Variants in GRIN2B observed in about 807,000 individuals in gnomAD.
The protein encoded by GRIN2B is glutamate ionotropic receptor NMDA type subunit 2B, also known as glutamate receptor ionotropic, NMDA 2B.
GRIN2B carries 5 observed loss-of-function variants against 114.5 expected under a neutral mutation model. That is an observed-to-expected ratio of 0.04 (90% CI 0.02 to 0.09). GRIN2B has a LOEUF of 0.09. GRIN2B is among the 10% of genes least tolerant of loss of function. The pLI, the probability that GRIN2B is intolerant of heterozygous loss-of-function variation, is 1.00. For missense variants in GRIN2B, 1,108 were observed against 1,943.5 expected (o/e 0.57, Z 8.08); for synonymous variants, 787 against 745.1 (o/e 1.06, Z -0.92).
intron 5 of GRIN2B, among the ~76,000 whole-genome samples, chr12:13,618,527 G>C (rs184027128): frequency 1.0e-3 from 158 of 152,152 alleles, no homozygotes; most frequent in Admixed American, 2.4e-3. Context: ...ATTATTGCAG[G>C]AAATTTCAAA....
rs1468430433 is a variant in GRIN2B, at chr12:13,557,875, AT to A, written c.*4907del. ...ATGTATACATCCCTAATATGGCTTA[AT>A]ATGTCACCTTTCCTGGGATTACTTT... On this transcript the variant is annotated 3_prime_UTR_variant, in exon 14 of 14. Coordinates refer to ENST00000609686, the MANE Select transcript of GRIN2B (RefSeq NM_000834.5). 1.3e-5 allele frequency: 2 copies of A among 152,218 alleles called. No homozygotes were observed. Among genetic ancestry groups the A allele is most frequent in the Non-Finnish European group, 2.9e-5 (2 of 68,044 alleles). 9.4% of individuals were successfully genotyped at this position (152,218 alleles called of 1,614,324 possible). A position where few individuals can be genotyped will look rare whatever the true frequency, so the allele number is the denominator to read the frequency against.
At chr12:13,649,029 T>C (rs947617697) in intron 5 of GRIN2B, among the ~76,000 whole-genome samples, 6 of 151,982 alleles carry the variant, frequency 3.9e-5, no homozygotes, top group Non-Finnish European at 8.8e-5. Flanking sequence ...CACACACTGG[T>C]TTGAATCTGG....
At chr12:13,698,175 C>T (rs1320635672) in intron 4 of GRIN2B, among the ~76,000 whole-genome samples, 1 of 152,238 alleles carries the variant, frequency 6.6e-6, no homozygotes, top group Non-Finnish European at 1.5e-5. Context: ...GAGGGATGCG[C>T]GTGCATGCTG....
chr12:13,769,117 G>T (rs1445888988), intron 3 of GRIN2B, among the ~76,000 whole-genome samples: 4 of 152,122 alleles, frequency 2.6e-5, no homozygotes, highest in African/African-American at 9.7e-5. Flanking sequence ...TATCATTCTT[G>T]GAATTTATTC....
intron 2 of GRIN2B, among the ~76,000 whole-genome samples, chr12:13,935,656 G>A (rs1448311169): frequency 6.6e-6 from 1 of 152,030 alleles, no homozygotes; most frequent in Non-Finnish European, 1.5e-5. Context: ...CATTATTGTG[G>A]GAATTAAACT....
intron 5 of GRIN2B, among the ~76,000 whole-genome samples, chr12:13,651,590 A>G (rs913668840): frequency 1.3e-5 from 2 of 152,096 alleles, no homozygotes; most frequent in East Asian, 3.9e-4. Flanking sequence ...AATAGTGGCA[A>G]GTATAATGTC....
At chr12:13,842,550 C>A (rs185966942) in intron 3 of GRIN2B, among the ~76,000 whole-genome samples, 141 of 152,324 alleles carry the variant, frequency 9.3e-4, no homozygotes, top group Non-Finnish European at 1.8e-3. Flanking sequence ...TCATCTATTT[C>A]TCCAGCTTCA....
chr12:13,644,092 T>C lies in GRIN2B; in HGVS notation c.1126-27435A>G, dbSNP rs112176104. Among the ~76,000 whole-genome samples the C allele has an allele frequency of 6.0e-3, 910 of 152,272 alleles. 8 individuals carry two copies. Among genetic ancestry groups the C allele is most frequent in the African/African-American group, 0.021 (867 of 41,568 alleles). ...AAAAGGGCAAATTCTTTCCAGAAGG[T>C]TTCAATTTACTTTGCCTACATCCAT... On this transcript the variant is annotated intron_variant, in intron 5 of 13. Transcript: ENST00000609686.
At chr12:13,941,159 T>A (rs192777710) in intron 2 of GRIN2B, among the ~76,000 whole-genome samples, 58 of 152,242 alleles carry the variant, frequency 3.8e-4, no homozygotes, top group African/African-American at 1.2e-3. Context: ...TGGATAGAGC[T>A]GGGCCAGTTA....
chr12:13,626,693 A>G (rs1425079554), intron 5 of GRIN2B, among the ~76,000 whole-genome samples: 3 of 152,004 alleles, frequency 2.0e-5, no homozygotes, highest in South Asian at 4.1e-4. Flanking sequence ...CTTTTCCATC[A>G]TTGGTTGCAT....
At chr12:13,609,908 T>C (rs1949344378) in intron 9 of GRIN2B, 1 of 152,244 alleles carries the variant, frequency 6.6e-6, no homozygotes, top group African/African-American at 2.4e-5. Flanking sequence ...GCATAGACAG[T>C]GCTTGGGCTT....
intron 10 of GRIN2B, among the ~76,000 whole-genome samples, chr12:13,599,741 T>C (rs1246582734): frequency 2.0e-5 from 3 of 152,218 alleles, no homozygotes; most frequent in Admixed American, 6.5e-5. Context: ...AGCTCTCTTA[T>C]AGAAACAGAG....
chr12:13,624,949 G>A (rs1340942405), intron 5 of GRIN2B, among the ~76,000 whole-genome samples: 1 of 152,206 alleles, frequency 6.6e-6, no homozygotes, highest in East Asian at 1.9e-4. Context: ...AGGTAGAGCA[G>A]ACTCACCTGC....
At chr12:13,852,605 G>C (rs2058045635) in intron 3 of GRIN2B, among the ~76,000 whole-genome samples, 1 of 149,392 alleles carries the variant, frequency 6.7e-6, no homozygotes, top group African/African-American at 2.5e-5. Flanking sequence ...ACCTGGCAGA[G>C]TAATGAGTGA....
chr12:13,887,103 T>C (rs1866174806), intron 2 of GRIN2B, among the ~76,000 whole-genome samples: 3 of 152,118 alleles, frequency 2.0e-5, no homozygotes, highest in South Asian at 4.1e-4. Flanking sequence ...ATATATCCTC[T>C]CAGATGTTAA....
chr12:13,851,642 C>T (rs1305420768), intron 3 of GRIN2B, among the ~76,000 whole-genome samples: 1 of 152,158 alleles, frequency 6.6e-6, no homozygotes, highest in African/African-American at 2.4e-5. Context: ...CAAAGTCAAC[C>T]ACTACCATAC....
At chr12:13,665,162 TGTGTTTG>T (rs1949961850) in intron 5 of GRIN2B, among the ~76,000 whole-genome samples, 1 of 23,432 alleles carries the variant, frequency 4.3e-5, no homozygotes, top group African/African-American at 8.9e-5. Context: ...TGTGTGTGTG[TGTGTTTG>T]TGTGTGTGTG....
chr12:13,937,263 T>C (rs76973616), intron 2 of GRIN2B, among the ~76,000 whole-genome samples: 2 of 151,818 alleles, frequency 1.3e-5, no homozygotes, highest in Non-Finnish European at 2.9e-5. Context: ...AGCCAAAAAT[T>C]TCCCGAATGC....
At chr12:13,920,921 C>G (rs1866811833) in intron 2 of GRIN2B, among the ~76,000 whole-genome samples, 1 of 152,172 alleles carries the variant, frequency 6.6e-6, no homozygotes, top group Admixed American at 6.5e-5. Flanking sequence ...ATACATTAGT[C>G]TGCCCCATGG....
Sources: gnomAD v4.1 joint callset for allele counts (sites outside exome capture counted in the v4.1 genomes callset) on GRCh38, gnomAD v4.1.1 for gene constraint, MANE v1.5 for transcripts, NCBI Gene and HGNC (gene_info 2026-07-23, HGNC 2026-07-21) for gene names.